STARD5: variants seen among roughly 807,000 people sequenced by gnomAD.
The protein encoded by STARD5 is StAR related lipid transfer domain containing 5, also known as stAR-related lipid transfer protein 5.
Under a neutral mutation model 24.6 loss-of-function variants are expected in STARD5, and 26 were observed. That is an observed-to-expected ratio of 1.06 (90% CI 0.77 to 1.47). The LOEUF (loss-of-function observed/expected upper bound fraction) is 1.47. Ranked by LOEUF, STARD5 falls within the 40% of genes most tolerant of loss-of-function variation. The probability of loss-of-function intolerance (pLI) is 0.00; values close to 1 mark genes in which losing one functional copy is unlikely to be tolerated. For synonymous variants in STARD5, 101 were observed against 99.7 expected (o/e 1.01, Z -0.07); for missense variants, 254 against 270.8 (o/e 0.94, Z 0.44).
chr15:81,316,502 C>A (rs1452659181), intron 5 of STARD5, among the ~76,000 whole-genome samples: 1 of 152,222 alleles, frequency 6.6e-6, no homozygotes, highest in Non-Finnish European at 1.5e-5. Flanking sequence ...AGTTACTAAA[C>A]CTCTCTGTGC....
Position 81,324,140 on chromosome 15 carries a change from A to G in STARD5, c.-41T>C, listed in dbSNP as rs1002436469. On this transcript the variant is annotated 5_prime_UTR_variant, in exon 1 of 6. Coordinates refer to ENST00000302824, the MANE Select transcript of STARD5 (RefSeq NM_181900.3). Reference sequence around the variant, plus strand: ...GCTTAGCTGCGGGGTCGCGGGTGTTATGAGCGGCGGCGCTGGATCCCGGGT... The same window carrying G: ...GCTTAGCTGCGGGGTCGCGGGTGTTGTGAGCGGCGGCGCTGGATCCCGGGT... The G allele has an allele frequency of 7.7e-7, 1 of 1,292,728 alleles. No individual in the cohort carries two copies. Among genetic ancestry groups the G allele is most frequent in the East Asian group, 3.0e-5 (1 of 32,926 alleles). The allele number at this position is 1,292,728 out of a possible 1,614,324, so 80.1% of individuals were successfully genotyped here. A position where few individuals can be genotyped will look rare whatever the true frequency, so the allele number is the denominator to read the frequency against.
chr15:81,323,957 C>G (rs1009488146), intron 1 of STARD5, 44 bp downstream of exon 1: 6 of 1,548,716 alleles, frequency 3.9e-6, no homozygotes, highest in Non-Finnish European at 5.2e-6. Context: ...CCGGGCTCCA[C>G]GAAGCCGTCT....
Position 81,309,847 on chromosome 15 carries a change from G to C in STARD5, c.*3409C>G, listed in dbSNP as rs1037189158. The C allele has an allele frequency of 6.6e-6, 1 of 152,272 alleles. No individual in the cohort carries two copies. Among genetic ancestry groups the C allele is most frequent in the Non-Finnish European group, 1.5e-5 (1 of 68,064 alleles). The allele number at this position is 152,272 out of a possible 1,614,324, so 9.4% of individuals were successfully genotyped here. A position where few individuals can be genotyped will look rare whatever the true frequency, so the allele number is the denominator to read the frequency against. On this transcript the variant is annotated 3_prime_UTR_variant, in exon 6 of 6. Transcript: ENST00000302824. ...GATCACAGCAGCTTCTACGGTGTAT[G>C]GTTCTGTGCCAATGTATTGATAAGA...
rs1900905259 is a variant in STARD5, at chr15:81,312,363, T to C, written c.*893A>G. On this transcript the variant is annotated 3_prime_UTR_variant, in exon 6 of 6. Coordinates refer to ENST00000302824, the MANE Select transcript of STARD5 (RefSeq NM_181900.3). ...AGACGGAGGCCTACTCTTCCATCTT[T>C]CCTGATGGCAGGATGGCCTGGCCAG... 1 of 152,254 alleles carries C rather than the reference T, an allele frequency of 6.6e-6. No individual in the cohort carries two copies. Among genetic ancestry groups the C allele is most frequent in the Non-Finnish European group, 1.5e-5 (1 of 68,062 alleles). The allele number at this position is 152,254 out of a possible 1,614,324, so 9.4% of individuals were successfully genotyped here.
Position 81,322,537 on chromosome 15 carries a change from G to A in STARD5, c.153C>T (p.Tyr51=), listed in dbSNP as rs762790790. ...RPSVEFPGNL[Y]RGEGIVYGTL... Reference sequence around the variant, plus strand: ...TCCCATATACAATGCCTTCTCCTCGGTACCTGGAGCACGAAAAGGAATTTG... The same window carrying A: ...TCCCATATACAATGCCTTCTCCTCGATACCTGGAGCACGAAAAGGAATTTG... The change falls in exon 3 of 6, where the codon TAC becomes TAT. Residue 51 remains tyrosine (Y), a synonymous_variant. Transcript: ENST00000302824. 6.2e-6 allele frequency: 10 copies of A among 1,613,900 alleles called. No homozygotes were observed. The highest frequency in any genetic ancestry group is 2.7e-5 in the African/African-American group (2 of 74,892).
chr15:81,314,624 C>T (rs1433170638), intron 5 of STARD5, among the ~76,000 whole-genome samples: 1 of 152,082 alleles, frequency 6.6e-6, no homozygotes, highest in Non-Finnish European at 1.5e-5. Flanking sequence ...GTGGCTCATG[C>T]CTGTAATCCC....
chr15:81,322,583 C>G, intron 2 of STARD5, 43 bp from the exon 3 acceptor site: 1 of 1,613,186 alleles, frequency 6.2e-7, no homozygotes, highest in Non-Finnish European at 8.5e-7. Flanking sequence ...ATCAATCAAA[C>G]TTGTTATCTT....
At chr15:81,319,754 C>T (rs562535976) in intron 3 of STARD5, among the ~76,000 whole-genome samples, 1 of 152,278 alleles carries the variant, frequency 6.6e-6, no homozygotes, top group East Asian at 1.9e-4. Context: ...CTAGTAAGAG[C>T]CTGGCTGGAC....
chr15:81,320,807 G>A (rs933214322), intron 3 of STARD5, among the ~76,000 whole-genome samples: 1 of 152,058 alleles, frequency 6.6e-6, no homozygotes, highest in African/African-American at 2.4e-5. Flanking sequence ...CATTCCTGAG[G>A]TACAGTGTCT....
chr15:81,320,986 G>A (rs1901183388), intron 3 of STARD5, among the ~76,000 whole-genome samples: 1 of 152,190 alleles, frequency 6.6e-6, no homozygotes, highest in Admixed American at 6.5e-5. Flanking sequence ...CCAAAAGCAT[G>A]CTGAGAAATG....
Position 81,313,173 on chromosome 15 carries a change from G to A in STARD5, c.*83C>T, listed in dbSNP as rs766045908. 112 of 1,423,102 alleles carry A rather than the reference G, an allele frequency of 7.9e-5. No individual in the cohort carries two copies. The highest frequency in any genetic ancestry group is 9.7e-5 in the Non-Finnish European group (104 of 1,075,034). 88.2% of individuals were successfully genotyped at this position (1,423,102 alleles called of 1,614,324 possible). ...CCAAAGAGTGAACACAGGCCTCTGCGTGCTCCCAGGCTCCTTGGTGTCCCA... is the reference window on the plus strand; with the variant it reads ...CCAAAGAGTGAACACAGGCCTCTGCATGCTCCCAGGCTCCTTGGTGTCCCA... On this transcript the variant is annotated 3_prime_UTR_variant, in exon 6 of 6. Transcript: ENST00000302824.
At chr15:81,313,868 A>G (rs1900999964) in intron 5 of STARD5, 1 of 152,318 alleles carries the variant, frequency 6.6e-6, no homozygotes, top group South Asian at 2.1e-4. Flanking sequence ...TCTCACATGC[A>G]TACAGTGGGG....
intron 5 of STARD5, chr15:81,314,206 C>T (rs1396329067): frequency 4.6e-5 from 7 of 151,896 alleles, no homozygotes; most frequent in East Asian, 1.9e-4. Context: ...ATAATAATGC[C>T]TTATGCCAAA....
intron 5 of STARD5, 103 bp downstream of exon 5, chr15:81,318,306 C>T: frequency 1.1e-6 from 1 of 950,650 alleles, no homozygotes; most frequent in Non-Finnish European, 1.7e-6. Flanking sequence ...AGGCATTTTT[C>T]TTCTTTTGAA....
rs1900819376 is a variant in STARD5, at chr15:81,310,907, G to A, written c.*2349C>T. On this transcript the variant is annotated 3_prime_UTR_variant, in exon 6 of 6. Transcript: ENST00000302824. ...GTTATCTGGGCATAGATGCAGGTGAGCCCATGGCCCTCCCAGTACCTCCTG... is the reference window on the plus strand; with the variant it reads ...GTTATCTGGGCATAGATGCAGGTGAACCCATGGCCCTCCCAGTACCTCCTG... 6.6e-6 allele frequency: 1 copy of A among 152,256 alleles called. No individual in the cohort carries two copies. The highest frequency in any genetic ancestry group is 2.4e-5 in the African/African-American group (1 of 41,434). The allele number at this position is 152,256 out of a possible 1,614,324, so 9.4% of individuals were successfully genotyped here.
rs1294702229 is a variant in STARD5, at chr15:81,318,497, G to A, written c.406C>T (p.His136Tyr). 2 of 1,613,894 alleles carry A rather than the reference G, an allele frequency of 1.2e-6. No individual in the cohort carries two copies. Among genetic ancestry groups the A allele is most frequent in the Non-Finnish European group, 1.7e-6 (2 of 1,179,958 alleles). ...EDGTISSNATHVEHPLCPPKP... is the reference protein window; with the variant it reads ...EDGTISSNATYVEHPLCPPKP... ...GGGGGACATAACGGATGCTCCACAT[G>A]GGTGGCTGGAAGACAGTGCAGAATC... is the stretch of plus-strand genomic sequence containing the variant. The change falls in exon 5 of 6, where the codon CAT (histidine) becomes TAT (tyrosine). Residue 136 changes from histidine to tyrosine, a missense_variant. His to Tyr is a moderately conservative substitution (Grantham distance 83). Coordinates refer to ENST00000302824, the MANE Select transcript of STARD5 (RefSeq NM_181900.3).
chr15:81,314,621 A>T (rs184796113), intron 5 of STARD5, among the ~76,000 whole-genome samples: 1 of 152,272 alleles, frequency 6.6e-6, no homozygotes, highest in Non-Finnish European at 1.5e-5. Flanking sequence ...ACGGTGGCTC[A>T]TGCCTGTAAT....
intron 5 of STARD5, 21 bp from the exon 6 acceptor site, chr15:81,313,424 C>A: frequency 6.6e-7 from 1 of 1,512,864 alleles, no homozygotes; most frequent in Non-Finnish European, 8.9e-7. Flanking sequence ...AACAGCAGAG[C>A]TGTGTTATGA....
chr15:81,309,083 A>C lies in STARD5; in HGVS notation c.*4173T>G, dbSNP rs79302345. ...GTGCCACAAATAAAATGGATTTATT[A>C]GAATTTCATATGACATTCATGCCTG... On this transcript the variant is annotated 3_prime_UTR_variant, in exon 6 of 6. Coordinates refer to ENST00000302824, the MANE Select transcript of STARD5 (RefSeq NM_181900.3). 3.6e-3 allele frequency: 1,222 copies of C among 339,442 alleles called. 18 individuals carry two copies. The highest frequency in any genetic ancestry group is 0.024 in the African/African-American group (1,113 of 47,180). The allele number at this position is 339,442 out of a possible 1,614,324, so 21.0% of individuals were successfully genotyped here.
Sources: allele counts gnomAD v4.1 joint callset (sites outside exome capture counted in the v4.1 genomes callset), GRCh38; gene constraint gnomAD v4.1.1; transcripts MANE v1.5; gene names NCBI Gene and HGNC (gene_info 2026-07-23, HGNC 2026-07-21).